Variants in VWDE observed in about 807,000 individuals in gnomAD.
The protein encoded by VWDE is von Willebrand factor D and EGF domains, also known as von Willebrand factor D and EGF domain-containing protein.
Under a neutral mutation model 178.4 loss-of-function variants are expected in VWDE, and 207 were observed. That is an observed-to-expected ratio of 1.16 (90% CI 1.04 to 1.30). VWDE has a LOEUF of 1.30. Among genes scored for constraint, VWDE ranks in the 50% most tolerant of loss-of-function variants. The pLI is 0.00. For synonymous variants in VWDE, 738 were observed against 651.4 expected, an observed-to-expected ratio of 1.13 and a Z score of -2.02; for missense variants, 2,287 against 1,901.3, an observed-to-expected ratio of 1.20 and a Z score of -3.77.
chr7:12,374,914 A>G, intron 8 of VWDE, 96 bp downstream of exon 8: 1 of 1,302,070 alleles, frequency 7.7e-7, no homozygotes, highest in Admixed American at 2.8e-5. Context: ...AATTTACCAA[A>G]AAATTTTTTA....
intron 13 of VWDE, among the ~76,000 whole-genome samples, chr7:12,364,491 A>G (rs1046997881): frequency 1.3e-5 from 2 of 152,172 alleles, no homozygotes; most frequent in Admixed American, 1.3e-4. Context: ...ACGAATTTGT[A>G]ATAGTTCCCA....
intron 19 of VWDE, among the ~76,000 whole-genome samples, chr7:12,347,632 A>G (rs1781678234): frequency 6.6e-6 from 1 of 152,152 alleles, no homozygotes; most frequent in African/African-American, 2.4e-5. Context: ...TTTAATCGTG[A>G]AAATGGCCAT....
Position 12,369,693 on chromosome 7 carries a change from T to G in VWDE, c.2613A>C (p.Lys871Asn), listed in dbSNP as rs1384540412. The change falls in exon 12 of 29, where the codon AAA becomes AAC. Residue 871 changes from lysine to asparagine, a missense_variant. Transcript: ENST00000275358. Reference protein sequence around the residue: ...ECEKRIVEEGKYNTEEYGTSI... With the variant: ...ECEKRIVEEGNYNTEEYGTSI... ...ATGTGCCATACTCTTCTGTGTTATA[T>G]TTCCCCTCCTCCACAATCCTCTTTT... is the stretch of plus-strand genomic sequence containing the variant. The G allele has an allele frequency of 6.4e-7, 1 of 1,551,710 alleles. No homozygotes were observed. Among genetic ancestry groups the G allele is most frequent in the South Asian group, 1.2e-5 (1 of 84,060 alleles).
chr7:12,338,876 C>T (rs1781177983), intron 24 of VWDE, among the ~76,000 whole-genome samples: 1 of 152,112 alleles, frequency 6.6e-6, no homozygotes, highest in African/African-American at 2.4e-5. Context: ...CAATTTCTAT[C>T]TTCCTCTTTT....
rs754174493 is a variant in VWDE at position 12,369,685 on chromosome 7, G to T, written c.2621C>A (p.Thr874Lys). ...TTCAATTGATGTGCCATACTCTTCT[G>T]TGTTATATTTCCCCTCCTCCACAAT... Reference protein sequence around the residue: ...KRIVEEGKYNTEEYGTSIEDI... With the variant: ...KRIVEEGKYNKEEYGTSIEDI... Residue 874 changes from threonine (T) to lysine (K), a missense_variant, in exon 12 of 29, where the codon ACA (threonine) becomes AAA (lysine). Physicochemically the swap from Thr to Lys is moderately conservative, Grantham distance 78 (BLOSUM62 -1). Transcript: ENST00000275358. 3 of 1,551,660 alleles carry T rather than the reference G, an allele frequency of 1.9e-6. No homozygotes were observed. In the South Asian group the frequency reaches 3.6e-5, roughly 18 times the overall value.
intron 1 of VWDE, among the ~76,000 whole-genome samples, chr7:12,397,025 G>A (rs1199126311): frequency 2.6e-5 from 4 of 151,598 alleles, no homozygotes; most frequent in African/African-American, 9.7e-5. Flanking sequence ...CTATTTCTAT[G>A]AAACTACCAA....
In VWDE at chr7:12,369,664, A is replaced by G. The variant is rs761280659; in HGVS notation, c.2642T>C (p.Ile881Thr). Residue 881 changes from isoleucine (I) to threonine (T), a missense_variant, in exon 12 of 29, where the codon ATT becomes ACT. Transcript: ENST00000275358. ...KYNTEEYGTS[I>T]EDILSVLKCP... ...TTTTAATACTGAGAGAATGTCTTCA[A>G]TTGATGTGCCATACTCTTCTGTGTT... 1 of 1,551,704 alleles carries G rather than the reference A, an allele frequency of 6.4e-7. No individual in the cohort carries two copies. Among genetic ancestry groups the G allele is most frequent in the South Asian group, 1.2e-5 (1 of 84,058 alleles).
intron 13 of VWDE, among the ~76,000 whole-genome samples, chr7:12,365,046 C>T (rs773585911): frequency 6.6e-6 from 1 of 151,814 alleles, no homozygotes; most frequent in African/African-American, 2.4e-5. Context: ...ACCAAGTGTG[C>T]AAAAGATGAA....
In VWDE at chr7:12,389,175, C is replaced by T; in HGVS notation, c.427G>A (p.Val143Ile). 6.4e-7 allele frequency: 1 copy of T among 1,552,024 alleles called. No individual in the cohort carries two copies. ...CCCTGAGTTGGTTGTAGTAAGTATA[C>T]AGAAAAGTTCCCACAGTTTCTTACA... ...VSVRNCGNFS[V>I]YLLQPTQGCM... The change falls in exon 3 of 29, where the codon GTA becomes ATA. Residue 143 changes from valine to isoleucine, a missense_variant. By Grantham distance (29) the Val-to-Ile change is conservative. Transcript: ENST00000275358.
At chr7:12,390,830 A>G (rs1281252070) in intron 2 of VWDE, among the ~76,000 whole-genome samples, 2 of 152,028 alleles carry the variant, frequency 1.3e-5, no homozygotes, top group Non-Finnish European at 2.9e-5. Context: ...TAAATGAACA[A>G]CTATATGTAT....
chr7:12,379,391 T>C (rs1783710426), intron 6 of VWDE, 86 bp downstream of exon 6: 8 of 909,390 alleles, frequency 8.8e-6, no homozygotes, highest in Non-Finnish European at 1.1e-5. Flanking sequence ...TGTGATGAGG[T>C]ACAGAAACCA....
intron 13 of VWDE, among the ~76,000 whole-genome samples, chr7:12,363,145 T>A (rs1301324885): frequency 6.6e-6 from 1 of 152,056 alleles, no homozygotes; most frequent in Admixed American, 6.6e-5. Context: ...TCAAATAAGA[T>A]ATAATACAAA....
In VWDE at chr7:12,389,342, G is replaced by T; in HGVS notation, c.260C>A (p.Thr87Asn). 5.2e-6 allele frequency: 8 copies of T among 1,545,808 alleles called. No homozygotes were observed. The highest frequency in any genetic ancestry group is 7.0e-6 in the Non-Finnish European group (8 of 1,142,074). ...CAGAGACAGCCAGATGGGGGCCTGA[G>T]TTCCACAATGGTTCATCTTTTGCAG... The part of the protein sequence containing the change: ...TKCVEMNHCG[T>N]QAPIWLSLRD... Residue 87 changes from threonine to asparagine, a missense_variant, in exon 3 of 29, where the codon ACT becomes AAT. Transcript: ENST00000275358.
At chr7:12,346,925 A>C (rs891459783) in intron 19 of VWDE, among the ~76,000 whole-genome samples, 1 of 152,126 alleles carries the variant, frequency 6.6e-6, no homozygotes, top group Admixed American at 6.6e-5. Context: ...TGAACCAAAA[A>C]CAACAAAAAT....
chr7:12,344,569 A>C, intron 19 of VWDE, 100 bp from the exon 20 acceptor site: 3 of 856,280 alleles, frequency 3.5e-6, no homozygotes. Context: ...CTGAAGTTTG[A>C]ATAGTTAACT....
At chr7:12,374,939 A>G in intron 8 of VWDE, 71 bp downstream of exon 8, 2 of 1,418,996 alleles carry the variant, frequency 1.4e-6, no homozygotes, top group Non-Finnish European at 1.9e-6. Flanking sequence ...AAAAGTTTAT[A>G]AGACATAATG....
chr7:12,358,275 G>A (rs1782375227), intron 16 of VWDE, among the ~76,000 whole-genome samples: 1 of 151,774 alleles, frequency 6.6e-6, no homozygotes, highest in Non-Finnish European at 1.5e-5. Context: ...TTGGGAGGCT[G>A]AAGCAGGAGA....
intron 1 of VWDE, among the ~76,000 whole-genome samples, chr7:12,399,032 C>G (rs1784757630): frequency 6.6e-6 from 1 of 151,958 alleles, no homozygotes; most frequent in South Asian, 2.1e-4. Context: ...ACATGTACTC[C>G]TTGAGAATCT....
At chr7:12,340,442 G>C in intron 23 of VWDE, 25 bp from the exon 24 acceptor site, 2 of 1,495,694 alleles carry the variant, frequency 1.3e-6, no homozygotes, top group Non-Finnish European at 1.8e-6. Context: ...GAGGAAAAGA[G>C]AACATAAAAG....
Sources: gnomAD v4.1 joint callset for allele counts (sites outside exome capture counted in the v4.1 genomes callset) on GRCh38, gnomAD v4.1.1 for gene constraint, MANE v1.5 for transcripts, NCBI Gene and HGNC (gene_info 2026-07-23, HGNC 2026-07-21) for gene names.